ADGRB1: variants seen among roughly 807,000 people sequenced by gnomAD.
ADGRB1 encodes the protein adhesion G protein-coupled receptor B1.
Under a neutral mutation model 175.7 loss-of-function variants are expected in ADGRB1, and 36 were observed. That is an observed-to-expected ratio of 0.20 (90% CI 0.16 to 0.27). The LOEUF is 0.27. Ranked by LOEUF, ADGRB1 falls within the 10% of genes least tolerant of loss-of-function variation. ADGRB1 has a pLI of 1.00. For synonymous variants in ADGRB1, 1,054 were observed against 979.4 expected, an observed-to-expected ratio of 1.08 and a Z score of -1.42; for missense variants, 1,731 against 2,255.3, an observed-to-expected ratio of 0.77 and a Z score of 4.71.
intron 2 of ADGRB1, among the ~76,000 whole-genome samples, chr8:142,469,584 T>A (rs570870976): frequency 6.7e-6 from 1 of 149,056 alleles, no homozygotes; most frequent in East Asian, 2.0e-4. Flanking sequence ...TGTGTGCATG[T>A]GTGAATGTGT....
intron 1 of ADGRB1, among the ~76,000 whole-genome samples, chr8:142,450,334 C>T (rs1328129576): frequency 6.6e-6 from 1 of 151,962 alleles, no homozygotes; most frequent in African/African-American, 2.4e-5. Context: ...TCCCCGCGAG[C>T]CCGCATTGGG....
At chr8:142,514,521 G>C (rs532207486) in intron 18 of ADGRB1, among the ~76,000 whole-genome samples, 1 of 152,192 alleles carries the variant, frequency 6.6e-6, no homozygotes, top group Non-Finnish European at 1.5e-5. Flanking sequence ...ATAGTCTGGC[G>C]TGTAGTAAAC....
At chr8:142,505,618 G>C (rs1212579662) in intron 17 of ADGRB1, among the ~76,000 whole-genome samples, 2 of 152,204 alleles carry the variant, frequency 1.3e-5, no homozygotes, top group Non-Finnish European at 2.9e-5. Context: ...GCAGAGGAGA[G>C]AGTTGGGAGG....
intron 17 of ADGRB1, among the ~76,000 whole-genome samples, chr8:142,495,579 G>A (rs966305389): frequency 7.9e-5 from 12 of 152,060 alleles, no homozygotes; most frequent in East Asian, 3.9e-4. Flanking sequence ...TTCCTTCCTT[G>A]CCTCTTCCAG....
chr8:142,465,643 C>G (rs900142296), intron 2 of ADGRB1, among the ~76,000 whole-genome samples: 2 of 152,078 alleles, frequency 1.3e-5, no homozygotes, highest in African/African-American at 4.8e-5. Context: ...GAGAGGAAGG[C>G]CCTAAGCACG....
chr8:142,533,199 C>A (rs1027398224), intron 24 of ADGRB1, 96 bp from the exon 25 acceptor site: 94 of 1,315,880 alleles, frequency 7.1e-5, no homozygotes, highest in Non-Finnish European at 7.8e-5. Flanking sequence ...GGACTTAGGG[C>A]TGGGTCCCCA....
At chr8:142,476,481 G>A in intron 3 of ADGRB1, 104 bp from the exon 4 acceptor site, 1 of 1,031,550 alleles carries the variant, frequency 9.7e-7, no homozygotes, top group Non-Finnish European at 1.5e-6. Context: ...GCTGCCCAGT[G>A]GAGCCAGGTG....
chr8:142,516,519 C>T (rs1215625433), intron 18 of ADGRB1, among the ~76,000 whole-genome samples: 12 of 120,672 alleles, frequency 9.9e-5, no homozygotes, highest in Non-Finnish European at 1.5e-4. Context: ...CGTGCGTGTG[C>T]GGGTCCCAGG....
intron 18 of ADGRB1, among the ~76,000 whole-genome samples, chr8:142,512,217 G>T (rs1334951318): frequency 6.6e-6 from 1 of 152,240 alleles, no homozygotes; most frequent in Non-Finnish European, 1.5e-5. Flanking sequence ...CTGGACAGGG[G>T]TCTGTGTCCC....
chr8:142,519,243 A>G (rs1351663881), intron 19 of ADGRB1, among the ~76,000 whole-genome samples: 1 of 152,172 alleles, frequency 6.6e-6, no homozygotes. Flanking sequence ...TTCTGCCGAC[A>G]GTTTTCAAAG....
intron 17 of ADGRB1, among the ~76,000 whole-genome samples, chr8:142,498,397 C>T (rs1842326829): frequency 6.6e-6 from 1 of 152,166 alleles, no homozygotes; most frequent in Non-Finnish European, 1.5e-5. Flanking sequence ...CATTCATTGG[C>T]TCACACACTC....
chr8:142,506,398 C>G (rs1044664157), intron 17 of ADGRB1, among the ~76,000 whole-genome samples: 1 of 152,202 alleles, frequency 6.6e-6, no homozygotes, highest in Non-Finnish European at 1.5e-5. Context: ...TCAGCTGGTC[C>G]TGGGTGGTGT....
chr8:142,482,532 A>T (rs1587308944), intron 11 of ADGRB1, among the ~76,000 whole-genome samples: 1 of 145,334 alleles, frequency 6.9e-6, no homozygotes, highest in Non-Finnish European at 1.5e-5. Context: ...GATCCTGGTC[A>T]CACACTGAGC....
chr8:142,501,897 A>G (rs1375005086), intron 17 of ADGRB1, among the ~76,000 whole-genome samples: 3 of 2,834 alleles, frequency 1.1e-3, no homozygotes, highest in African/African-American at 1.9e-3. Flanking sequence ...GGTGAGGGTG[A>G]TGTGGTGGTG....
At chr8:142,499,489 G>A (rs952863363) in intron 17 of ADGRB1, among the ~76,000 whole-genome samples, 30 of 152,254 alleles carry the variant, frequency 2.0e-4, no homozygotes, top group Non-Finnish European at 3.7e-4. Context: ...CCAGTTCTGG[G>A]AGTGGGCTTC....
intron 9 of ADGRB1, among the ~76,000 whole-genome samples, chr8:142,480,122 G>A (rs1264650588): frequency 6.6e-6 from 1 of 152,226 alleles, no homozygotes; most frequent in Non-Finnish European, 1.5e-5. Flanking sequence ...CCCGGGGCTT[G>A]CGGGGACAGG....
intron 17 of ADGRB1, among the ~76,000 whole-genome samples, chr8:142,507,614 G>A (rs1370130326): frequency 6.6e-6 from 1 of 152,242 alleles, no homozygotes; most frequent in Non-Finnish European, 1.5e-5. Flanking sequence ...CCCAGGCAGT[G>A]GTGGACAGCT....
chr8:142,479,223 G>T, intron 7 of ADGRB1, 100 bp from the exon 8 acceptor site: 32 of 1,285,456 alleles, frequency 2.5e-5, no homozygotes, highest in Non-Finnish European at 3.2e-5. Flanking sequence ...ACTGCCGCAT[G>T]GCTCTGTGTG....
intron 1 of ADGRB1, among the ~76,000 whole-genome samples, chr8:142,452,996 T>G (rs1304903110): frequency 6.8e-6 from 1 of 147,768 alleles, no homozygotes; most frequent in Non-Finnish European, 1.5e-5. Flanking sequence ...TCCGGCCCCA[T>G]CTTGGGCAGC....
Sources: allele counts gnomAD v4.1 joint callset (sites outside exome capture counted in the v4.1 genomes callset), GRCh38; gene constraint gnomAD v4.1.1; transcripts MANE v1.5; gene names NCBI Gene and HGNC (gene_info 2026-07-23, HGNC 2026-07-21).